Variants in RNF38 observed in about 807,000 individuals in gnomAD.
RNF38 encodes the protein ring finger protein 38.
In RNF38, 15 loss-of-function variants were observed where a neutral mutation model predicts 67.2. The observed-to-expected ratio is 0.22, with a 90% CI of 0.15 to 0.34. The LOEUF (loss-of-function observed/expected upper bound fraction) is 0.34. Among genes scored for constraint, RNF38 ranks in the 10% least tolerant of loss-of-function variants. The probability of loss-of-function intolerance (pLI) is 1.00; values close to 1 mark genes in which losing one functional copy is unlikely to be tolerated. For missense variants in RNF38, 524 were observed against 639.9 expected (o/e 0.82, Z 1.95); for synonymous variants, 220 against 218.8 (o/e 1.01, Z -0.05).
Position 36,437,980 on chromosome 9 carries a change from T to C in RNF38, n.242-13297A>G, listed in dbSNP as rs1360622008. 3.3e-5 allele frequency among the ~76,000 whole-genome samples: 5 copies of C among 152,198 alleles called. No homozygotes were observed. The South Asian group carries it at 1.0e-3, about 31-fold the overall frequency. ...GGTTCTTTGACACTGAGTCTCACTC[T>C]GTAGCCCCACGATGCAGTGCAGTGG... is the stretch of plus-strand genomic sequence containing the variant. On this transcript the variant is annotated intron_variant and non_coding_transcript_variant, in intron 1 of 3. Coordinates refer to the RNF38 transcript ENST00000488058.
chr9:36,382,878 T>C (rs935880331), intron 2 of RNF38, among the ~76,000 whole-genome samples: 4 of 152,198 alleles, frequency 2.6e-5, no homozygotes, highest in African/African-American at 4.8e-5. Context: ...TTAACAAAAA[T>C]GAAGTTTCTT....
At chr9:36,442,032 C>T (rs1839203097) in intron 1 of RNF38, among the ~76,000 whole-genome samples, 1 of 152,104 alleles carries the variant, frequency 6.6e-6, no homozygotes, top group East Asian at 1.9e-4. Flanking sequence ...TTGTCATTCC[C>T]CTACATAGGA....
At chr9:36,443,289 G>A (rs1389489282) in intron 1 of RNF38, among the ~76,000 whole-genome samples, 12 of 152,134 alleles carry the variant, frequency 7.9e-5, no homozygotes, top group Admixed American at 7.9e-4. Flanking sequence ...GAATTGAGGG[G>A]TGCAGGATGA....
chr9:36,371,007 A>AG (rs1288829797), intron 3 of RNF38, among the ~76,000 whole-genome samples: 2 of 152,148 alleles, frequency 1.3e-5, no homozygotes, highest in Non-Finnish European at 2.9e-5. Flanking sequence ...TTTTATTGTG[A>AG]CTAAACTTTC....
chr9:36,348,848 A>G (rs545947012), intron 9 of RNF38, among the ~76,000 whole-genome samples: 17 of 152,384 alleles, frequency 1.1e-4, no homozygotes, highest in African/African-American at 3.6e-4. Context: ...TGAATACACT[A>G]AACAATGGAT....
At chr9:36,463,025 G>A (rs1326024384) in intron 1 of RNF38, among the ~76,000 whole-genome samples, 3 of 151,712 alleles carry the variant, frequency 2.0e-5, no homozygotes, top group Non-Finnish European at 4.4e-5. Context: ...GCAAGTGAAG[G>A]AATAAAGAAT....
At chr9:36,453,186 C>G (rs190617310) in intron 1 of RNF38, among the ~76,000 whole-genome samples, 151 of 152,186 alleles carry the variant, frequency 9.9e-4, no homozygotes, top group Non-Finnish European at 1.8e-3. Flanking sequence ...TTATTATAGC[C>G]ATCTTAACAA....
chr9:36,427,835 C>T (rs1017860868), intron 1 of RNF38, among the ~76,000 whole-genome samples: 3 of 151,758 alleles, frequency 2.0e-5, no homozygotes, highest in Non-Finnish European at 4.4e-5. Context: ...CTCAGCCTCC[C>T]GAGTAGCTGG....
At chr9:36,392,594 A>G (rs1837193369) in intron 1 of RNF38, among the ~76,000 whole-genome samples, 2 of 152,054 alleles carry the variant, frequency 1.3e-5, no homozygotes, top group South Asian at 4.1e-4. Context: ...TAAGTAAATA[A>G]ATAAAAATTA....
intron 1 of RNF38, among the ~76,000 whole-genome samples, chr9:36,482,025 C>T (rs1354712898): frequency 2.0e-5 from 3 of 151,594 alleles, no homozygotes; most frequent in Non-Finnish European, 2.9e-5. Context: ...ACTTTCTCTC[C>T]TCCATTTACC....
Position 36,336,785 on chromosome 9 carries a change from C to A in RNF38, c.*2967G>T, listed in dbSNP as rs1832473122. 6.6e-6 allele frequency: 1 copy of A among 152,554 alleles called. No individual in the cohort carries two copies. The highest frequency in any genetic ancestry group is 1.5e-5 in the Non-Finnish European group (1 of 68,040). 9.5% of individuals were successfully genotyped at this position (152,554 alleles called of 1,614,324 possible). On this transcript the variant is annotated 3_prime_UTR_variant, in exon 12 of 12. Coordinates refer to ENST00000259605, the MANE Select transcript of RNF38 (RefSeq NM_022781.5). Reference sequence around the variant, plus strand: ...AAAGATAATCTGTGAAAAATATTCTCACAAGTGAGTCGGTAGATCTCATTC... The same window carrying A: ...AAAGATAATCTGTGAAAAATATTCTAACAAGTGAGTCGGTAGATCTCATTC...
intron 1 of RNF38, among the ~76,000 whole-genome samples, chr9:36,457,077 A>G (rs1386839684): frequency 1.3e-5 from 2 of 151,754 alleles, no homozygotes; most frequent in East Asian, 3.8e-4. Flanking sequence ...TTAAGGAGCT[A>G]AATTTTGCCC....
intron 10 of RNF38, among the ~76,000 whole-genome samples, chr9:36,343,855 TG>T (rs1367541671): frequency 6.6e-6 from 1 of 151,810 alleles, no homozygotes; most frequent in African/African-American, 2.4e-5. Context: ...CAGTGTAGAC[TG>T]GGGATGGGGA....
At chr9:36,345,015 T>C (rs1833117383) in intron 9 of RNF38, 62 bp from the exon 10 acceptor site, 15 of 1,561,004 alleles carry the variant, frequency 9.6e-6, no homozygotes, top group Non-Finnish European at 1.3e-5. Context: ...CAATACTTTT[T>C]TTTTTTAAGA....
At chr9:36,457,567 A>T (rs80017254) in intron 1 of RNF38, among the ~76,000 whole-genome samples, 7,647 of 152,256 alleles carry the variant, frequency 0.05, 597 homozygotes, top group African/African-American at 0.17. Context: ...TTACGGTTGA[A>T]GATAATCTTT....
At chr9:36,477,341 T>A (rs934551585) in intron 1 of RNF38, among the ~76,000 whole-genome samples, 1 of 150,822 alleles carries the variant, frequency 6.6e-6, no homozygotes, top group East Asian at 2.0e-4. Context: ...AAAAAAAGAT[T>A]ACCTTGCAAT....
rs1832670682 is a variant in RNF38, at chr9:36,339,277, C to T, written c.*475G>A. 6.2e-6 allele frequency: 1 copy of T among 160,600 alleles called. No homozygotes were observed. Among genetic ancestry groups the T allele is most frequent in the Admixed American group, 5.9e-5 (1 of 16,900 alleles). The allele number at this position is 160,600 out of a possible 1,614,324, so 9.9% of individuals were successfully genotyped here. Reference sequence around the variant, plus strand: ...AGGATCTCATACACACGTTAGCTACCATGCCCTCACACAAGTAGTTGCACA... The same window carrying T: ...AGGATCTCATACACACGTTAGCTACTATGCCCTCACACAAGTAGTTGCACA... On this transcript the variant is annotated 3_prime_UTR_variant, in exon 12 of 12. Coordinates refer to ENST00000259605, the MANE Select transcript of RNF38 (RefSeq NM_022781.5).
At chr9:36,405,268 TA>T (rs34571914), upstream of RNF38, among the ~76,000 whole-genome samples, 7 of 149,882 alleles carry the variant, frequency 4.7e-5, no homozygotes, top group Non-Finnish European at 5.9e-5. Context: ...CTCTGTCTCT[TA>T]AAAAAAAAAA....
chr9:36,389,344 CA>C (rs35595917), intron 2 of RNF38, among the ~76,000 whole-genome samples: 86,961 of 132,882 alleles, frequency 0.65, 26,403 homozygotes, highest in Non-Finnish European at 0.67. Context: ...GAAAAGTATC[CA>C]AAAAAAAAAA....
Sources: allele counts gnomAD v4.1 joint callset (sites outside exome capture counted in the v4.1 genomes callset), GRCh38; gene constraint gnomAD v4.1.1; transcripts MANE v1.5; gene names NCBI Gene and HGNC (gene_info 2026-07-23, HGNC 2026-07-21).